Variants in CCDC158 observed in about 807,000 individuals in gnomAD.
The protein encoded by CCDC158 is coiled-coil domain-containing protein 158.
A neutral mutation model predicts 138.6 loss-of-function variants in CCDC158; 116 were observed. The ratio of observed to expected loss-of-function variants is 0.84; its 90% CI spans 0.72 to 0.98. The LOEUF is 0.98. Among genes scored for constraint, CCDC158 ranks in the 50% least tolerant of loss-of-function variants. The pLI is 0.00. For synonymous variants in CCDC158, 436 were observed against 442.4 expected (o/e 0.99, Z 0.18); for missense variants, 1,265 against 1,306.1 (o/e 0.97, Z 0.48).
intron 24 of CCDC158, among the ~76,000 whole-genome samples, chr4:76,319,357 C>T (rs1490429989): frequency 1.6e-4 from 22 of 141,286 alleles, no homozygotes; most frequent in East Asian, 6.4e-4. Flanking sequence ...CACTTGAACC[C>T]GACAGGTGGA....
Position 76,316,900 on chromosome 4 carries a change from CAAAAAAAAAA to C in CCDC158, c.3278-3664_3278-3655del, listed in dbSNP as rs77150446. Among the ~76,000 whole-genome samples, 3 of 62,626 alleles carry C rather than the reference CAAAAAAAAAA, an allele frequency of 4.8e-5. No homozygotes were observed. The East Asian group carries it at 1.7e-3, about 36-fold the overall frequency. The allele number at this position is 62,626 out of a possible 152,430, so 41.1% of individuals were successfully genotyped here. On this transcript the variant is annotated intron_variant, in intron 24 of 24. Coordinates refer to ENST00000682701, the MANE Select transcript of CCDC158 (RefSeq NM_001394954.1). ...AAGGACAGATAAAGTCTTTTGCAGACAAAAAAAAAAAAAAAAAAAAAAATGCTGAGAGAAT... is the reference window on the plus strand; with the variant it reads ...AAGGACAGATAAAGTCTTTTGCAGACAAAAAAAAAAAAATGCTGAGAGAAT...
At chr4:76,409,123 T>C (rs990456349) in intron 2 of CCDC158, among the ~76,000 whole-genome samples, 1 of 152,216 alleles carries the variant, frequency 6.6e-6, no homozygotes, top group Non-Finnish European at 1.5e-5. Flanking sequence ...GTGTGTATTT[T>C]AGAGTAATGA....
Position 76,367,293 on chromosome 4 carries a change from C to T in CCDC158, c.1830+1G>A, listed in dbSNP as rs747919168. On this transcript the variant is annotated splice_donor_variant, in intron 12 of 24. Transcript: ENST00000682701. LOFTEE classifies it high-confidence loss of function. The stretch of plus-strand genomic sequence containing the variant: ...TTAAATCACAAAAAAACTCTACAGA[C>T]CTTAAGTTCCTTTAGTTCCATCCGC... 4 of 1,608,366 alleles carry T rather than the reference C, an allele frequency of 2.5e-6. No individual in the cohort carries two copies. The highest frequency in any genetic ancestry group is 3.4e-6 in the Non-Finnish European group (4 of 1,176,432).
At chr4:76,413,216 G>C (rs561828714) in intron 1 of CCDC158, among the ~76,000 whole-genome samples, 2 of 152,114 alleles carry the variant, frequency 1.3e-5, no homozygotes, top group African/African-American at 4.8e-5. Flanking sequence ...GAATGAGCCT[G>C]TAATCCCAGC....
chr4:76,362,058 T>C, intron 13 of CCDC158, 68 bp downstream of exon 13: 1 of 1,302,374 alleles, frequency 7.7e-7, no homozygotes, highest in Non-Finnish European at 1.1e-6. Context: ...GCAATTGTGC[T>C]AGGGTCTACA....
intron 4 of CCDC158, among the ~76,000 whole-genome samples, chr4:76,392,747 T>G (rs28776279): frequency 0.029 from 4,475 of 151,732 alleles, 221 homozygotes; most frequent in African/African-American, 0.1. Flanking sequence ...ACCTAAAGAC[T>G]CCACCAAAAA....
chr4:76,353,397 A>T, intron 15 of CCDC158, 116 bp from the exon 16 acceptor site: 1 of 720,638 alleles, frequency 1.4e-6, no homozygotes, highest in South Asian at 2.1e-5. Context: ...TTTAATTTAT[A>T]TGCCATTTAA....
At chr4:76,340,737 T>C (rs1670913376) in intron 18 of CCDC158, among the ~76,000 whole-genome samples, 1 of 151,988 alleles carries the variant, frequency 6.6e-6, no homozygotes, top group African/African-American at 2.4e-5. Context: ...CACAATATGG[T>C]GAGTTGTATA....
intron 20 of CCDC158, among the ~76,000 whole-genome samples, 194 bp downstream of exon 20, chr4:76,332,238 T>C (rs1721071467): frequency 6.6e-6 from 1 of 152,232 alleles, no homozygotes; most frequent in Non-Finnish European, 1.5e-5. Context: ...AAAATGTCTA[T>C]TGAGTTGATT....
At chr4:76,315,293 C>A (rs1354024819) in intron 24 of CCDC158, among the ~76,000 whole-genome samples, 1 of 152,166 alleles carries the variant, frequency 6.6e-6, no homozygotes, top group Non-Finnish European at 1.5e-5. Flanking sequence ...TCAGACCCAC[C>A]TAACTCTGCC....
chr4:76,350,597 G>T (rs1578938288), intron 18 of CCDC158, among the ~76,000 whole-genome samples: 1 of 152,066 alleles, frequency 6.6e-6, no homozygotes, highest in African/African-American at 2.4e-5. Context: ...GGGAATAAAA[G>T]TGTCTTATAA....
At chr4:76,342,307 T>C (rs545145529) in intron 18 of CCDC158, among the ~76,000 whole-genome samples, 25 of 152,292 alleles carry the variant, frequency 1.6e-4, no homozygotes, top group Middle Eastern at 6.8e-3. Context: ...CTACAAAGTG[T>C]TGGAATTTCA....
intron 18 of CCDC158, chr4:76,345,678 G>C: frequency 2.9e-6 from 2 of 695,582 alleles, no homozygotes; most frequent in Non-Finnish European, 5.2e-6. Flanking sequence ...AGATTTATTA[G>C]CTTTAACTTT....
At chr4:76,348,488 C>T (rs1722776236) in intron 18 of CCDC158, among the ~76,000 whole-genome samples, 1 of 150,636 alleles carries the variant, frequency 6.6e-6, no homozygotes, top group Non-Finnish European at 1.5e-5. Context: ...AAGGGCAGAG[C>T]CCTTATGACC....
chr4:76,330,574 A>T (rs1720919882), intron 21 of CCDC158, among the ~76,000 whole-genome samples: 1 of 152,178 alleles, frequency 6.6e-6, no homozygotes, highest in East Asian at 1.9e-4. Context: ...GATTCAACCA[A>T]ATGTGAATTG....
At chr4:76,321,759 A>T (rs1020872154) in intron 24 of CCDC158, among the ~76,000 whole-genome samples, 24 of 144,488 alleles carry the variant, frequency 1.7e-4, no homozygotes, top group African/African-American at 1.3e-4. Context: ...AAATATATAT[A>T]TTTTTTATAT....
intron 9 of CCDC158, chr4:76,375,359 G>A (rs555139878): frequency 4.5e-6 from 2 of 443,796 alleles, no homozygotes; most frequent in South Asian, 6.1e-5. Context: ...TGGTTTGTCT[G>A]TTGGTGGTGG....
At position 76,384,639 on chromosome 4, in the gene CCDC158, CT is replaced by C; in HGVS notation, c.314del (p.Lys105SerfsTer4). The C allele has an allele frequency of 6.2e-7, 1 of 1,613,016 alleles. No individual in the cohort carries two copies. The highest frequency in any genetic ancestry group is 8.5e-7 in the Non-Finnish European group (1 of 1,179,636). ...CAATGACTGACTGCCTCAAATAAAA[CT>C]TTTGTTTCTCATGCAATTCATTGCT... Reference protein sequence around the residue: ...NESNELHEKQKFYLRQSVIDL... With the variant: ...NESNELHEKQXFYLRQSVIDL... On this transcript the variant is annotated frameshift_variant, in exon 5 of 25. Transcript: ENST00000682701. LOFTEE classifies it high-confidence loss of function.
intron 18 of CCDC158, among the ~76,000 whole-genome samples, chr4:76,337,723 A>T (rs1440749188): frequency 1.3e-5 from 2 of 151,668 alleles, no homozygotes; most frequent in Non-Finnish European, 2.9e-5. Flanking sequence ...CAAGAGCAAA[A>T]CTCCATCTCA....
Sources: allele counts gnomAD v4.1 joint callset (sites outside exome capture counted in the v4.1 genomes callset), GRCh38; gene constraint gnomAD v4.1.1; transcripts MANE v1.5; gene names NCBI Gene and HGNC (gene_info 2026-07-23, HGNC 2026-07-21).